SPRY3: variants seen among roughly 807,000 people sequenced by gnomAD.
SPRY3 encodes protein sprouty homolog 3.
In SPRY3, 15 loss-of-function variants were observed where a neutral mutation model predicts 20.2. That is an observed-to-expected ratio of 0.74 (90% CI 0.50 to 1.14). The LOEUF is 1.14. SPRY3 is among the 50% of genes most tolerant of loss of function. The pLI is 0.00. For missense variants in SPRY3, 364 were observed against 363.9 expected, an observed-to-expected ratio of 1.00 and a Z score of 0.00; for synonymous variants, 143 against 136.5, an observed-to-expected ratio of 1.05 and a Z score of -0.33.
intron 2 of SPRY3, among the ~76,000 whole-genome samples, chrX:155,676,054 A>G (rs1471252095): frequency 9.0e-6 from 1 of 111,327 alleles, no homozygotes; most frequent in Non-Finnish European, 1.9e-5. Flanking sequence ...TAAGCTCTGA[A>G]AATTTCTCTT....
chrX:155,723,310 G>A (rs1204851867), intron 2 of SPRY3, among the ~76,000 whole-genome samples: 3 of 152,122 alleles, frequency 2.0e-5, no homozygotes, highest in Non-Finnish European at 4.4e-5. Flanking sequence ...TAATGGGATG[G>A]CTGGGTCAAA....
intron 2 of SPRY3, among the ~76,000 whole-genome samples, chrX:155,660,345 G>A (rs1337836998): frequency 9.0e-6 from 1 of 111,670 alleles, no homozygotes; most frequent in Non-Finnish European, 1.9e-5. Context: ...ACTTCCTCTT[G>A]GTGTTGATTT....
intron 2 of SPRY3, among the ~76,000 whole-genome samples, chrX:155,691,600 TAA>T (rs2068101979): frequency 1.1e-5 from 1 of 88,131 alleles, no homozygotes; most frequent in Non-Finnish European, 2.1e-5. Flanking sequence ...TGTGTAAAAT[TAA>T]AAGAGTGCTG....
intron 2 of SPRY3, among the ~76,000 whole-genome samples, chrX:155,719,832 G>A (rs1168572997): frequency 2.0e-5 from 3 of 148,696 alleles, no homozygotes; most frequent in Non-Finnish European, 4.6e-5. Context: ...GTACTACACT[G>A]AAGGATTTGG....
intron 1 of SPRY3, among the ~76,000 whole-genome samples, chrX:155,618,127 C>T (rs1361954450): frequency 5.4e-5 from 6 of 112,013 alleles, no homozygotes; most frequent in African/African-American, 1.9e-4. Context: ...AAATGTAGAA[C>T]ATTTCCATTG....
At chrX:155,625,354 T>C (rs1477683698) in intron 1 of SPRY3, among the ~76,000 whole-genome samples, 4 of 111,709 alleles carry the variant, frequency 3.6e-5, no homozygotes, top group Non-Finnish European at 7.6e-5. Flanking sequence ...ATATTTTATC[T>C]TTTCATCTGT....
chrX:155,699,407 A>G (rs1433273492), intron 2 of SPRY3, among the ~76,000 whole-genome samples: 1 of 111,927 alleles, frequency 8.9e-6, no homozygotes, highest in Non-Finnish European at 1.9e-5. Flanking sequence ...TGAAACCCCT[A>G]TGTGCCAAGA....
intron 2 of SPRY3, among the ~76,000 whole-genome samples, chrX:155,714,116 A>C (rs1485865218): frequency 6.6e-6 from 1 of 151,930 alleles, no homozygotes; most frequent in Non-Finnish European, 1.5e-5. Context: ...GTTTTTTTGA[A>C]TTTCTTTGAG....
chrX:155,667,073 T>C (rs1266119919), intron 2 of SPRY3, among the ~76,000 whole-genome samples: 3 of 111,489 alleles, frequency 2.7e-5, no homozygotes, highest in African/African-American at 9.8e-5. Context: ...CATTTAGTGA[T>C]ATTGAAGTCA....
chrX:155,655,030 G>GT (rs2067987907), intron 1 of SPRY3, among the ~76,000 whole-genome samples: 1 of 110,698 alleles, frequency 9.0e-6, no homozygotes, highest in South Asian at 3.8e-4. Flanking sequence ...AACATCTGTT[G>GT]TTTTTTTGAC....
intron 2 of SPRY3, among the ~76,000 whole-genome samples, chrX:155,672,731 C>G (rs1355628292): frequency 9.5e-6 from 1 of 105,621 alleles, no homozygotes; most frequent in Non-Finnish European, 1.9e-5. Context: ...ACCCAAAGGA[C>G]TATAAATCAT....
chrX:155,745,165 C>G (rs1428517537), intron 2 of SPRY3, among the ~76,000 whole-genome samples: 2 of 151,978 alleles, frequency 1.3e-5, no homozygotes, highest in Non-Finnish European at 2.9e-5. Context: ...TATCCCAGAC[C>G]AACTTTCTTT....
intron 1 of SPRY3, among the ~76,000 whole-genome samples, chrX:155,647,346 T>C (rs2067961110): frequency 9.0e-6 from 1 of 110,879 alleles, no homozygotes; most frequent in African/African-American, 3.3e-5. Context: ...CTGGTATACA[T>C]GTGCAGAATG....
chrX:155,722,968 C>T (rs111346478), intron 2 of SPRY3, among the ~76,000 whole-genome samples: 2 of 136,442 alleles, frequency 1.5e-5, no homozygotes, highest in African/African-American at 5.7e-5. Flanking sequence ...GTGTGTGATG[C>T]TCCCCGCCCT....
chrX:155,703,531 G>T (rs1409691420), intron 2 of SPRY3, among the ~76,000 whole-genome samples: 4 of 89,164 alleles, frequency 4.5e-5, no homozygotes, highest in African/African-American at 1.5e-4. Flanking sequence ...TCTTGCTAGC[G>T]GTCTATCAAT....
chrX:155,773,828 C>T, exon 4 of SPRY3: 7 of 1,585,850 alleles, frequency 4.4e-6, no homozygotes, highest in Non-Finnish European at 5.1e-6. Context: ...ACCATAAGTG[C>T]CACCCTGACT....
At chrX:155,724,928 C>T (rs1207615012) in intron 2 of SPRY3, among the ~76,000 whole-genome samples, 6 of 152,136 alleles carry the variant, frequency 3.9e-5, no homozygotes, top group South Asian at 2.1e-4. Flanking sequence ...CAGTTTTTGC[C>T]CATTCAGTAT....
At chrX:155,756,251 C>T (rs189397160) in intron 2 of SPRY3, among the ~76,000 whole-genome samples, 1 of 152,086 alleles carries the variant, frequency 6.6e-6, no homozygotes, top group African/African-American at 2.4e-5. Flanking sequence ...CACTTTGTCT[C>T]CTTGTCCCAT....
At chrX:155,617,942 A>G (rs1439104369) in intron 1 of SPRY3, among the ~76,000 whole-genome samples, 3 of 111,916 alleles carry the variant, frequency 2.7e-5, no homozygotes, top group Non-Finnish European at 5.6e-5. Flanking sequence ...CCTTTACACA[A>G]TTTCCTCTGA....
Sources: allele counts gnomAD v4.1 joint callset (sites outside exome capture counted in the v4.1 genomes callset), GRCh38; gene constraint gnomAD v4.1.1; transcripts MANE v1.5; gene names NCBI Gene and HGNC (gene_info 2026-07-23, HGNC 2026-07-21).